The following CDRT4 variants were observed in gnomAD, a reference collection of about 807,000 sequenced individuals.
The protein encoded by CDRT4 is CMT1A duplicated region transcript 4 protein.
For synonymous variants in CDRT4, 64 were observed against 69.6 expected (o/e 0.92, Z 0.40); for missense variants, 167 against 193.1 (o/e 0.87, Z 0.80).
chr17:15,438,925 C>T (rs1251469626), intron 3 of CDRT4, among the ~76,000 whole-genome samples: 1 of 152,104 alleles, frequency 6.6e-6, no homozygotes, highest in Non-Finnish European at 1.5e-5. Flanking sequence ...TCAAGCTTAA[C>T]AAGGCTCAAA....
rs760431282 is a variant in CDRT4 at position 15,437,834 on chromosome 17, T to G, written c.398A>C (p.Tyr133Ser). ...ADSRDCPTEN[Y>S]NKIIFARKPM... is the part of the protein sequence containing the mutation. ...CTTGCGGGCAAAGATGATCTTGTTA[T>G]AGTTTTCAGTTGGACAGTCTCTGGA... The change falls in exon 4 of 4, where the codon TAT becomes TCT. Residue 133 changes from tyrosine (Y) to serine (S), a missense_variant. Physicochemically the swap from Tyr to Ser is moderately radical, Grantham distance 144. Transcript: ENST00000619038. 6.2e-7 allele frequency: 1 copy of G among 1,614,052 alleles called. No homozygotes were observed. Among genetic ancestry groups the G allele is most frequent in the African/African-American group, 1.3e-5 (1 of 74,912 alleles).
rs59035063 is a variant in CDRT4 at position 15,450,574 on chromosome 17, C to CT, written c.-48+2429dup. 0.15 allele frequency among the ~76,000 whole-genome samples: 22,407 copies of CT among 146,022 alleles called. 2,854 individuals carry two copies. Among genetic ancestry groups the CT allele is most frequent in the East Asian group, 0.47 (2,358 of 5,024 alleles). On this transcript the variant is annotated intron_variant, in intron 2 of 3. Transcript: ENST00000619038. The surrounding 1 kb of genome is among the most constrained non-coding windows in gnomAD (Gnocchi z 4.2). ...TCCATTGAGGATTTCTAGTTCCCTT[C>CT]TTTTTTTTTTTTTATTTCCACACAT...
At chr17:15,440,751 G>A (rs1978721336) in intron 2 of CDRT4, among the ~76,000 whole-genome samples, 1 of 152,218 alleles carries the variant, frequency 6.6e-6, no homozygotes, top group African/African-American at 2.4e-5. Flanking sequence ...GTGGCCAGGA[G>A]TCAGCTACCA....
chr17:15,445,551 T>A (rs1490313026), intron 2 of CDRT4, among the ~76,000 whole-genome samples: 4 of 152,310 alleles, frequency 2.6e-5, no homozygotes, highest in Middle Eastern at 3.4e-3. Context: ...CTCATGGAAC[T>A]AGCAACCAGT....
At chr17:15,458,564 C>T (rs1239086677) in intron 1 of CDRT4, among the ~76,000 whole-genome samples, 2 of 152,082 alleles carry the variant, frequency 1.3e-5, no homozygotes, top group Admixed American at 6.5e-5. Context: ...GTGAAGAGGC[C>T]CAAGAAACAA....
intron 2 of CDRT4, among the ~76,000 whole-genome samples, chr17:15,451,424 A>G (rs1431390379): frequency 6.6e-6 from 1 of 152,082 alleles, no homozygotes; most frequent in Admixed American, 6.5e-5. Flanking sequence ...ACCCAGAGTG[A>G]TTATTTTTAA....
chr17:15,441,565 T>C (rs1370327969), intron 2 of CDRT4, among the ~76,000 whole-genome samples: 1 of 151,652 alleles, frequency 6.6e-6, no homozygotes, highest in Non-Finnish European at 1.5e-5. Flanking sequence ...AGTTCCCAGG[T>C]TTTTCATCCC....
At chr17:15,458,352 C>G (rs1979581257) in intron 1 of CDRT4, among the ~76,000 whole-genome samples, 2 of 152,148 alleles carry the variant, frequency 1.3e-5, no homozygotes, top group Admixed American at 1.3e-4. Context: ...CACCTAAATT[C>G]CATTCATGAA....
chr17:15,444,431 A>C (rs1244267907), intron 2 of CDRT4, among the ~76,000 whole-genome samples: 2 of 152,236 alleles, frequency 1.3e-5, no homozygotes, highest in Non-Finnish European at 2.9e-5. Context: ...AATGGGATGC[A>C]GTACAGGCAC....
intron 2 of CDRT4, chr17:15,444,085 C>T (rs1978904482): frequency 3.5e-6 from 4 of 1,145,156 alleles, no homozygotes; most frequent in East Asian, 2.4e-5. Context: ...TCAAATTCAG[C>T]GACTTTGATT....
intron 2 of CDRT4, among the ~76,000 whole-genome samples, chr17:15,442,436 G>T (rs1310073457): frequency 1.3e-5 from 2 of 151,292 alleles, no homozygotes; most frequent in Non-Finnish European, 1.5e-5. Context: ...AAGAAAGAAA[G>T]AAATTTTTCT....
Position 15,464,225 on chromosome 17 carries a change from G to T in CDRT4, c.-130+3235C>A, listed in dbSNP as rs116065025. On this transcript the variant is annotated intron_variant, in intron 1 of 3. Transcript: ENST00000619038. The surrounding 1 kb of genome is among the most constrained non-coding windows in gnomAD (Gnocchi z 4.5). The stretch of plus-strand genomic sequence containing the variant: ...TAGGGCCAGGGATGGGGATGGAGAT[G>T]CCAATGGGTAGATGTGGAGACCCCT... Among the ~76,000 whole-genome samples, 351 of 152,230 alleles carry T rather than the reference G, an allele frequency of 2.3e-3. 2 individuals are homozygous for T. The highest frequency in any genetic ancestry group is 8.0e-3 in the African/African-American group (333 of 41,532).
At chr17:15,463,311 T>A (rs569979521) in intron 1 of CDRT4, among the ~76,000 whole-genome samples, 1 of 152,234 alleles carries the variant, frequency 6.6e-6, no homozygotes, top group African/African-American at 2.4e-5. Flanking sequence ...GCTGCACCTA[T>A]CAAAGAAAGA....
intron 2 of CDRT4, among the ~76,000 whole-genome samples, chr17:15,443,486 C>T (rs1978871207): frequency 6.8e-6 from 1 of 146,010 alleles, no homozygotes; most frequent in African/African-American, 2.5e-5. Context: ...AGGGGTCTCG[C>T]TATTTTGCCT....
At position 15,437,706 on chromosome 17, in the gene CDRT4, T is replaced by C. The variant is rs76787574; in HGVS notation, c.*67A>G. 220,456 of 1,495,586 alleles carry C rather than the reference T, an allele frequency of 0.15. 26,902 individuals carry two copies. The highest frequency in any genetic ancestry group is 0.5 in the East Asian group (21,814 of 43,680). 92.6% of individuals were successfully genotyped at this position (1,495,586 alleles called of 1,614,324 possible). On this transcript the variant is annotated 3_prime_UTR_variant, in exon 4 of 4. Transcript: ENST00000619038. ...GTGAGTGGTAAATGGAGCTTAACTT[T>C]TGTACGTTCTTGGGGAATGGCTGCA...
At chr17:15,465,257 ACAC>A (rs1029404197) in intron 1 of CDRT4, among the ~76,000 whole-genome samples, 1 of 124,260 alleles carries the variant, frequency 8.0e-6, no homozygotes, top group African/African-American at 3.7e-5. Flanking sequence ...ACACCAACAC[ACAC>A]AACACACACA....
intron 2 of CDRT4, among the ~76,000 whole-genome samples, chr17:15,444,737 A>AGAGAGAGAGG (rs1978940009): frequency 6.6e-6 from 1 of 151,598 alleles, no homozygotes; most frequent in Admixed American, 6.6e-5. Context: ...AGAGAGAGAG[A>AGAGAGAGAGG]GAGAGAGAGG....
intron 2 of CDRT4, among the ~76,000 whole-genome samples, chr17:15,449,484 G>A (rs58147544): frequency 6.6e-6 from 1 of 152,030 alleles, no homozygotes; most frequent in African/African-American, 2.4e-5. Context: ...TCAATCAACA[G>A]AGGTAGTCCA....
rs949977254 is a variant in CDRT4 at position 15,458,633 on chromosome 17, G to A, written c.-129-5548C>T. Among the ~76,000 whole-genome samples, 11 of 152,112 alleles carry A rather than the reference G, an allele frequency of 7.2e-5. 1 individual carries two copies. Among genetic ancestry groups the A allele is most frequent in the Admixed American group, 4.6e-4 (7 of 15,270 alleles). On this transcript the variant is annotated intron_variant, in intron 1 of 3. Coordinates refer to ENST00000619038, the MANE Select transcript of CDRT4 (RefSeq NM_001204477.2). ...TCCTGGCCTTCACTCCTGTATCCCC[G>A]TGACAGCCACGGTGTTCACCCATTC...
Sources: gnomAD v4.1 joint callset for allele counts (sites outside exome capture counted in the v4.1 genomes callset) on GRCh38, gnomAD v4.1.1 for gene constraint, Gnocchi (gnomAD v3.1) non-coding constraint, MANE v1.5 for transcripts, NCBI Gene and HGNC (gene_info 2026-07-23, HGNC 2026-07-21) for gene names.